Variants in PRR14L observed in about 807,000 individuals in gnomAD.
PRR14L encodes the protein proline rich 14 like, also known as protein PRR14L.
A neutral mutation model predicts 155.0 loss-of-function variants in PRR14L; 80 were observed. The observed-to-expected ratio is 0.52, with a 90% CI of 0.43 to 0.62. PRR14L has a LOEUF of 0.62. Among genes scored for constraint, PRR14L ranks in the 20% least tolerant of loss-of-function variants. The probability of loss-of-function intolerance (pLI) is 0.00; values close to 1 mark genes in which losing one functional copy is unlikely to be tolerated. For missense variants in PRR14L, 2,469 were observed against 2,548.0 expected, an observed-to-expected ratio of 0.97 and a Z score of 0.67; for synonymous variants, 883 against 916.0, an observed-to-expected ratio of 0.96 and a Z score of 0.65.
rs368457435 is a variant in PRR14L, at chr22:31,738,278, C to T, written c.474+109G>A. 32 of 939,632 alleles carry T rather than the reference C, an allele frequency of 3.4e-5. No individual in the cohort carries two copies. The East Asian group carries it at 3.7e-4, about 11-fold the overall frequency. The allele number at this position is 939,632 out of a possible 1,614,324, so 58.2% of individuals were successfully genotyped here. On this transcript the variant is annotated intron_variant, in intron 2 of 8. Transcript: ENST00000327423. ...AAAGTTAACTTCAAAATCGACATTT[C>T]GGAAATGTTTCAAGAATAAATCATG...
rs573042099 is a variant in PRR14L at position 31,725,137 on chromosome 22, T to C, written c.547+401A>G. On this transcript the variant is annotated intron_variant, in intron 3 of 8. Transcript: ENST00000327423. Reference sequence around the variant, plus strand: ...CTTGCTGGGTGCGGTGGCTCATGCCTGTAATCCTGCACTTTGTGGGGCAGA... The same window carrying C: ...CTTGCTGGGTGCGGTGGCTCATGCCCGTAATCCTGCACTTTGTGGGGCAGA... Among the ~76,000 whole-genome samples, 39 of 152,194 alleles carry C rather than the reference T, an allele frequency of 2.6e-4. 1 individual carries two copies. Among genetic ancestry groups the C allele is most frequent in the Non-Finnish European group, 5.1e-4 (35 of 68,032 alleles).
intron 8 of PRR14L, among the ~76,000 whole-genome samples, chr22:31,687,653 C>CA (rs1447910683): frequency 6.6e-6 from 1 of 151,718 alleles, no homozygotes; most frequent in Non-Finnish European, 1.5e-5. Context: ...TGCCTGGCTA[C>CA]ATTTTCTTTA....
chr22:31,692,710 C>T (rs1386522231), intron 7 of PRR14L, among the ~76,000 whole-genome samples: 4 of 152,176 alleles, frequency 2.6e-5, no homozygotes, highest in African/African-American at 9.7e-5. Flanking sequence ...GGTTTGATGA[C>T]AGTTCACTGC....
chr22:31,715,872 A>C lies in PRR14L; in HGVS notation c.1967T>G (p.Val656Gly). ...TGCATGTTCTTGAGAATTAAGGGAC[A>C]CTTGTTGATTTAAAACACATTCACT... ...VESECVLNQQ[V>G]SLNSQEHANL... The change falls in exon 4 of 9, where the codon GTG becomes GGG. Residue 656 changes from valine to glycine, a missense_variant. Val to Gly is a moderately radical substitution (Grantham distance 109). Coordinates refer to ENST00000327423, the MANE Select transcript of PRR14L (RefSeq NM_173566.3). 1 of 1,551,660 alleles carries C rather than the reference A, an allele frequency of 6.4e-7. No homozygotes were observed. Among genetic ancestry groups the C allele is most frequent in the Non-Finnish European group, 8.7e-7 (1 of 1,146,936 alleles).
chr22:31,743,380 T>C (rs1322241083), intron 1 of PRR14L, among the ~76,000 whole-genome samples: 1 of 152,136 alleles, frequency 6.6e-6, no homozygotes, highest in Non-Finnish European at 1.5e-5. Flanking sequence ...GTAATAAAAA[T>C]GTTCTAAAGT....
intron 7 of PRR14L, among the ~76,000 whole-genome samples, chr22:31,696,406 T>C (rs1198867810): frequency 6.6e-6 from 1 of 152,156 alleles, no homozygotes; most frequent in Non-Finnish European, 1.5e-5. Flanking sequence ...CCCAAAGTGC[T>C]GGGATTACAG....
At chr22:31,741,556 T>C (rs1476057523) in intron 1 of PRR14L, among the ~76,000 whole-genome samples, 1 of 152,150 alleles carries the variant, frequency 6.6e-6, no homozygotes, top group Non-Finnish European at 1.5e-5. Context: ...AATGAGATTC[T>C]GGATGTGAAA....
intron 1 of PRR14L, among the ~76,000 whole-genome samples, chr22:31,739,722 G>C (rs557596148): frequency 6.6e-6 from 1 of 152,300 alleles, no homozygotes; most frequent in African/African-American, 2.4e-5. Flanking sequence ...GGTATATTAA[G>C]AGAGAAAGAG....
intron 7 of PRR14L, among the ~76,000 whole-genome samples, chr22:31,689,002 C>T (rs2074497540): frequency 6.6e-6 from 1 of 152,058 alleles, no homozygotes; most frequent in South Asian, 2.1e-4. Context: ...CATATGCTTG[C>T]TTTTTTCCTT....
At chr22:31,689,239 C>T (rs1321849636) in intron 7 of PRR14L, among the ~76,000 whole-genome samples, 2 of 152,164 alleles carry the variant, frequency 1.3e-5, no homozygotes, top group African/African-American at 4.8e-5. Flanking sequence ...GTCCCAGTTA[C>T]TTGGGAGACT....
intron 4 of PRR14L, among the ~76,000 whole-genome samples, chr22:31,709,816 C>T (rs2074611735): frequency 6.6e-6 from 1 of 151,870 alleles, no homozygotes; most frequent in Non-Finnish European, 1.5e-5. Flanking sequence ...GCTAGGATTA[C>T]AGGCACGAGC....
Position 31,706,428 on chromosome 22 carries a change from C to CTTTTTTTTTTTT in PRR14L, c.5757-1703_5757-1702insAAAAAAAAAAAA, listed in dbSNP as rs771902267. ...TAATTCCTTTATAATTAAACTCTTCCTTTTTCTTTTTTTTGAGACGGAGTC... is the reference window on the plus strand; with the variant it reads ...TAATTCCTTTATAATTAAACTCTTCCTTTTTTTTTTTTTTTTTCTTTTTTTTGAGACGGAGTC... On this transcript the variant is annotated intron_variant, in intron 4 of 8. Transcript: ENST00000327423. Among the ~76,000 whole-genome samples, 226 of 142,202 alleles carry CTTTTTTTTTTTT rather than the reference C, an allele frequency of 1.6e-3. 3 individuals carry two copies. The highest frequency in any genetic ancestry group is 1.9e-3 in the Non-Finnish European group (130 of 66,782). The allele number at this position is 142,202 out of a possible 152,430, so 93.3% of individuals were successfully genotyped here. A position where few individuals can be genotyped will look rare whatever the true frequency, so the allele number is the denominator to read the frequency against.
In PRR14L at chr22:31,714,412, A is replaced by T; in HGVS notation, c.3427T>A (p.Cys1143Ser). ...EENVCRSLKD[C>S]EMEKCPDSCA... The stretch of plus-strand genomic sequence containing the variant: ...GAGTCTGGACACTTTTCCATTTCAC[A>T]GTCTTTTAAAGATCTGCATACGTTT... Residue 1143 changes from cysteine (C) to serine (S), a missense_variant, in exon 4 of 9, where the codon TGT (cysteine) becomes AGT (serine). By Grantham distance (112) the Cys-to-Ser change is moderately radical (BLOSUM62 -1). Coordinates refer to ENST00000327423, the MANE Select transcript of PRR14L (RefSeq NM_173566.3). The T allele has an allele frequency of 1.3e-6, 2 of 1,551,586 alleles. No individual in the cohort carries two copies. Among genetic ancestry groups the T allele is most frequent in the Non-Finnish European group, 1.7e-6 (2 of 1,146,974 alleles).
At chr22:31,745,324 C>T (rs969840744) in intron 1 of PRR14L, among the ~76,000 whole-genome samples, 5 of 152,116 alleles carry the variant, frequency 3.3e-5, no homozygotes, top group Admixed American at 2.0e-4. Flanking sequence ...TTGCAGTGAG[C>T]GGAGATTGTG....
rs923172254 is a variant in PRR14L, at chr22:31,715,270, C to T, written c.2569G>A (p.Glu857Lys). The T allele has an allele frequency of 1.9e-6, 3 of 1,552,246 alleles. No homozygotes were observed. In the African/African-American group the frequency reaches 4.1e-5, roughly 21 times the overall value. ...CKVSYTSQER[E>K]LDGKETNGSL... ...CCATTCGTTTCTTTCCCATCAAGTT[C>T]CCTTTCCTGTGATGTGTAACTCACT... Residue 857 changes from glutamate (E) to lysine (K), a missense_variant, in exon 4 of 9, where the codon GAA (glutamate) becomes AAA (lysine). Physicochemically the swap from Glu to Lys is moderately conservative, Grantham distance 56. This residue lies in a region of PRR14L where 2,363 missense variants were observed against 2,371.6 expected (regional missense o/e 1.00). Transcript: ENST00000327423.
intron 7 of PRR14L, among the ~76,000 whole-genome samples, chr22:31,700,278 A>G (rs751622025): frequency 1.6e-4 from 25 of 152,246 alleles, no homozygotes; most frequent in Admixed American, 4.6e-4. Context: ...CTTCAGACAT[A>G]TAAATGCAAG....
At chr22:31,724,336 T>C (rs1344603597) in intron 3 of PRR14L, among the ~76,000 whole-genome samples, 1 of 152,218 alleles carries the variant, frequency 6.6e-6, no homozygotes, top group Non-Finnish European at 1.5e-5. Flanking sequence ...AAAACTGTCT[T>C]GCACGAAACA....
intron 3 of PRR14L, among the ~76,000 whole-genome samples, chr22:31,724,833 AC>A (rs2074708359): frequency 6.6e-6 from 1 of 152,180 alleles, no homozygotes; most frequent in Non-Finnish European, 1.5e-5. Context: ...CAATCAGTCA[AC>A]CAACCTAAAA....
rs150826735 is a variant in PRR14L at position 31,703,778 on chromosome 22, A to T, written c.5829-57T>A. The T allele has an allele frequency of 8.3e-4, 905 of 1,084,604 alleles. 2 individuals carry two copies. The African/African-American group carries it at 0.014, about 17-fold the overall frequency. The allele number at this position is 1,084,604 out of a possible 1,614,324, so 67.2% of individuals were successfully genotyped here. A position where few individuals can be genotyped will look rare whatever the true frequency, so the allele number is the denominator to read the frequency against. ...GGGGTTCCCTTTCTACTTCCAGCACATTCAACTTCTTCTTCTTCATTTTTT... is the reference window on the plus strand; with the variant it reads ...GGGGTTCCCTTTCTACTTCCAGCACTTTCAACTTCTTCTTCTTCATTTTTT... On this transcript the variant is annotated intron_variant, in intron 5 of 8. Coordinates refer to ENST00000327423, the MANE Select transcript of PRR14L (RefSeq NM_173566.3).
Sources: gnomAD v4.1 joint callset for allele counts (sites outside exome capture counted in the v4.1 genomes callset) on GRCh38, gnomAD v4.1.1 for gene constraint, gnomAD v4.1.1 regional missense constraint, MANE v1.5 for transcripts, NCBI Gene and HGNC (gene_info 2026-07-23, HGNC 2026-07-21) for gene names.